Variants in TCF3 observed in about 807,000 individuals in gnomAD.
The protein encoded by TCF3 is transcription factor E2-alpha.
Under a neutral mutation model 72.3 loss-of-function variants are expected in TCF3, and 54 were observed. The ratio of observed to expected loss-of-function variants is 0.75; its 90% CI spans 0.60 to 0.94. The LOEUF (loss-of-function observed/expected upper bound fraction) is 0.94. TCF3 is among the 40% of genes least tolerant of loss of function. TCF3 has a pLI of 0.00. For missense variants in TCF3, 1,078 were observed against 934.4 expected, an observed-to-expected ratio of 1.15 and a Z score of -2.00; for synonymous variants, 525 against 412.6, an observed-to-expected ratio of 1.27 and a Z score of -3.30.
chr19:1,627,353 C>A lies in TCF3; in HGVS notation c.366+6G>T. 1 of 1,608,542 alleles carries A rather than the reference C, an allele frequency of 6.2e-7. No homozygotes were observed. Among genetic ancestry groups the A allele is most frequent in the Non-Finnish European group, 8.5e-7 (1 of 1,178,338 alleles). On this transcript the variant is annotated splice_donor_region_variant and intron_variant, in intron 6 of 18. Transcript: ENST00000262965. ...AATACACCCCAGCCCGGCCCGAGCC[C>A]CTCACCTGAGTCAGGCCGCCCACGC...
At chr19:1,627,280 A>G in intron 6 of TCF3, 79 bp downstream of exon 6, 1 of 1,194,936 alleles carries the variant, frequency 8.4e-7, no homozygotes, top group African/African-American at 1.6e-5. Flanking sequence ...AAGCCAGGAG[A>G]GCTTCTGCAG....
Position 1,620,952 on chromosome 19 carries a change from C to G in TCF3, c.1093+16G>C, listed in dbSNP as rs949028526. 3 of 1,482,128 alleles carry G rather than the reference C, an allele frequency of 2.0e-6. No individual in the cohort carries two copies. The highest frequency in any genetic ancestry group is 1.4e-5 in the African/African-American group (1 of 68,990). 91.8% of individuals were successfully genotyped at this position (1,482,128 alleles called of 1,614,324 possible). On this transcript the variant is annotated intron_variant, in intron 13 of 18. Coordinates refer to ENST00000262965, the MANE Select transcript of TCF3 (RefSeq NM_003200.5). ...CACAGACCTCAGCCTCCCCTCCCCC[C>G]AAAACCCTCACAGACCTGCCAGGCC...
intron 3 of TCF3, among the ~76,000 whole-genome samples, chr19:1,637,145 G>A (rs887753159): frequency 6.6e-6 from 1 of 151,460 alleles, no homozygotes; most frequent in Non-Finnish European, 1.5e-5. Context: ...CCAGAAGCGG[G>A]GACAACCTCC....
At chr19:1,624,856 A>C (rs2062691562) in intron 7 of TCF3, among the ~76,000 whole-genome samples, 1 of 151,862 alleles carries the variant, frequency 6.6e-6, no homozygotes, top group African/African-American at 2.4e-5. Context: ...TTTCACGCTT[A>C]TTTTTTTCAG....
intron 15 of TCF3, 31 bp downstream of exon 15, chr19:1,619,285 C>T (rs748455805): frequency 8.9e-6 from 14 of 1,567,640 alleles, no homozygotes; most frequent in East Asian, 4.5e-5. Flanking sequence ...TCCCCGCCCA[C>T]TGCCCAGCTC....
chr19:1,619,077 C>T, intron 16 of TCF3, 34 bp downstream of exon 16: 3 of 1,598,686 alleles, frequency 1.9e-6, no homozygotes, highest in Non-Finnish European at 2.5e-6. Context: ...CAACTGGAAC[C>T]AGGAGTCGGA....
At position 1,637,235 on chromosome 19, in the gene TCF3, G is replaced by A. The variant is rs61167312; in HGVS notation, c.146-4830C>T. On this transcript the variant is annotated intron_variant, in intron 3 of 18. Coordinates refer to ENST00000262965, the MANE Select transcript of TCF3 (RefSeq NM_003200.5). ...TCCTCCACCAGAACCGAGGACGCCT[G>A]GCAACCTCCTCCACCAGAACCGAGG... is the stretch of plus-strand genomic sequence containing the variant. 6.8e-3 allele frequency among the ~76,000 whole-genome samples: 916 copies of A among 134,602 alleles called. 15 individuals carry two copies. Among genetic ancestry groups the A allele is most frequent in the African/African-American group, 0.025 (864 of 35,226 alleles). 88.3% of individuals were successfully genotyped at this position (134,602 alleles called of 152,430 possible).
rs2060939068 is a variant in TCF3, at chr19:1,610,936, G to GGA, written c.*770_*771insTC. 5.4e-6 allele frequency: 1 copy of GGA among 184,222 alleles called. No homozygotes were observed. The allele number at this position is 184,222 out of a possible 1,614,324, so 11.4% of individuals were successfully genotyped here. On this transcript the variant is annotated 3_prime_UTR_variant, in exon 19 of 19. Coordinates refer to ENST00000262965, the MANE Select transcript of TCF3 (RefSeq NM_003200.5). ...GTGCAGTGGCTTCCGGGGGGGGGGGGGGACGGGGGGGCTCAGGTTTACACG... is the reference window on the plus strand; with the variant it reads ...GTGCAGTGGCTTCCGGGGGGGGGGGGGAGGACGGGGGGGCTCAGGTTTACACG...
In TCF3 at chr19:1,611,828, G is replaced by A. The variant is rs748360917; in HGVS notation, c.1844C>T (p.Ala615Val). ...CTCTTCTCGCCGTTTCAAACAGGCT[G>A]CTTTGGGATTCAGGTTCCGCTCTGG... The part of the protein sequence containing the change: ...QVRERNLNPK[A>V]ACLKRREEEK... Residue 615 changes from alanine (A) to valine (V), a missense_variant, in exon 19 of 19, where the codon GCA (alanine) becomes GTA (valine). Physicochemically the swap from Ala to Val is moderately conservative, Grantham distance 64 (BLOSUM62 0). Transcript: ENST00000262965. The A allele has an allele frequency of 1.9e-5, 31 of 1,613,026 alleles. No individual in the cohort carries two copies. Among genetic ancestry groups the A allele is most frequent in the Non-Finnish European group, 2.6e-5 (31 of 1,179,824 alleles).
At chr19:1,640,386 T>A (rs893093794) in intron 3 of TCF3, among the ~76,000 whole-genome samples, 2 of 151,050 alleles carry the variant, frequency 1.3e-5, no homozygotes, top group African/African-American at 2.4e-5. Flanking sequence ...ATACAAAAAA[T>A]TAGCGCAATG....
intron 3 of TCF3, among the ~76,000 whole-genome samples, chr19:1,637,094 C>A (rs2064524866): frequency 6.6e-6 from 1 of 152,124 alleles, no homozygotes; most frequent in Admixed American, 6.5e-5. Flanking sequence ...CGGGGGACAA[C>A]CTCCTCCGCC....
Position 1,644,726 on chromosome 19 carries a change from C to T in TCF3, c.145+1629G>A, listed in dbSNP as rs550960729. Among the ~76,000 whole-genome samples the T allele has an allele frequency of 5.3e-5, 8 of 152,226 alleles. No individual in the cohort carries two copies. In the South Asian group the frequency reaches 1.7e-3, roughly 32 times the overall value. On this transcript the variant is annotated intron_variant, in intron 3 of 18. Transcript: ENST00000262965. ...GCCTACACACCACAGCTCTGGTTAC[C>T]CAGGGACCAATCTCACAGTGGTCCG... is the stretch of plus-strand genomic sequence containing the variant.
At chr19:1,637,004 G>A (rs1275086831) in intron 3 of TCF3, among the ~76,000 whole-genome samples, 1 of 152,180 alleles carries the variant, frequency 6.6e-6, no homozygotes, top group Non-Finnish European at 1.5e-5. Flanking sequence ...CTCGGGTAGA[G>A]GCACAGTGAG....
At chr19:1,624,034 C>G (rs764717757) in intron 7 of TCF3, 34 bp from the exon 8 acceptor site, 11 of 1,608,802 alleles carry the variant, frequency 6.8e-6, no homozygotes, top group Non-Finnish European at 8.5e-6. Context: ...AACCGGCCAC[C>G]GGCCATGAGA....
At chr19:1,640,046 G>A (rs1048822381) in intron 3 of TCF3, among the ~76,000 whole-genome samples, 4 of 152,182 alleles carry the variant, frequency 2.6e-5, no homozygotes, top group Non-Finnish European at 5.9e-5. Flanking sequence ...CAGGGCAGCC[G>A]AGTCAAGAAC....
chr19:1,649,393 C>T (rs932744168), intron 2 of TCF3, among the ~76,000 whole-genome samples: 13 of 151,900 alleles, frequency 8.6e-5, no homozygotes, highest in African/African-American at 2.2e-4. Flanking sequence ...GAGGGTGGTC[C>T]GCTCAGCACT....
intron 14 of TCF3, 91 bp from the exon 15 acceptor site, chr19:1,619,565 G>A: frequency 6.8e-7 from 1 of 1,472,486 alleles, no homozygotes; most frequent in South Asian, 1.3e-5. Context: ...AGTGGCCGGT[G>A]GTCCCATCTT....
chr19:1,648,829 G>A (rs371199784), intron 2 of TCF3, among the ~76,000 whole-genome samples: 2 of 147,758 alleles, frequency 1.4e-5, no homozygotes, highest in African/African-American at 5.0e-5. Context: ...GGGGGGGGGG[G>A]GGAGCAGAAT....
In TCF3 at chr19:1,646,346, G is replaced by A; in HGVS notation, c.145+9C>T. On this transcript the variant is annotated intron_variant, in intron 3 of 18. Coordinates refer to ENST00000262965, the MANE Select transcript of TCF3 (RefSeq NM_003200.5). ...CTCCACGAGCGCTGGCAGGAAGGCG[G>A]GGTCCTACCTGAACCTCCGAACTGC... 6.5e-7 allele frequency: 1 copy of A among 1,550,262 alleles called. No homozygotes were observed. The highest frequency in any genetic ancestry group is 8.7e-7 in the Non-Finnish European group (1 of 1,146,520).
Sources: gnomAD v4.1 joint callset for allele counts (sites outside exome capture counted in the v4.1 genomes callset) on GRCh38, gnomAD v4.1.1 for gene constraint, MANE v1.5 for transcripts, NCBI Gene and HGNC (gene_info 2026-07-23, HGNC 2026-07-21) for gene names.